Variants in RAF1 observed in about 807,000 individuals in gnomAD.
RAF1 encodes Raf-1 proto-oncogene, serine/threonine kinase, also known as RAF proto-oncogene serine/threonine-protein kinase.
Under a neutral mutation model 81.1 loss-of-function variants are expected in RAF1, and 27 were observed. That is an observed-to-expected ratio of 0.33 (90% CI 0.25 to 0.46). The LOEUF (loss-of-function observed/expected upper bound fraction) is 0.46. RAF1 is among the 20% of genes least tolerant of loss of function. The probability of loss-of-function intolerance (pLI) is 1.00; values close to 1 mark genes in which losing one functional copy is unlikely to be tolerated. For missense variants in RAF1, 598 were observed against 826.0 expected (o/e 0.72, Z 3.38); for synonymous variants, 298 against 294.0 (o/e 1.01, Z -0.14).
At chr3:12,593,308 T>C (rs1018425881) in intron 11 of RAF1, among the ~76,000 whole-genome samples, 6 of 151,964 alleles carry the variant, frequency 3.9e-5, no homozygotes, top group Non-Finnish European at 7.4e-5. Context: ...CTCAAACTCC[T>C]GACCTCAAAT....
intron 1 of RAF1, among the ~76,000 whole-genome samples, chr3:12,645,117 A>T (rs899359689): frequency 1.3e-5 from 2 of 151,684 alleles, no homozygotes; most frequent in Non-Finnish European, 2.9e-5. Context: ...AAAAAAAAAA[A>T]AAAATAAGGT....
rs71063856 is a variant in RAF1, at chr3:12,642,671, TACACACACACACACACAC to T, written c.-27+21124_-27+21141del. ...AGACAACACAGGGAGACACCATCTC[TACACACACACACACACAC>T]ACACACACACACACACACACACACA... On this transcript the variant is annotated intron_variant, in intron 1 of 17. Coordinates refer to ENST00000442415, the MANE Select transcript of RAF1 (RefSeq NM_001354689.3). Among the ~76,000 whole-genome samples the T allele has an allele frequency of 3.3e-4, 39 of 117,060 alleles. 1 individual carries two copies. The highest frequency in any genetic ancestry group is 9.7e-4 in the South Asian group (3 of 3,092). 76.8% of individuals were successfully genotyped at this position (117,060 alleles called of 152,430 possible).
intron 1 of RAF1, 129 bp from the exon 2 acceptor site, chr3:12,618,876 A>G (rs2059459799): frequency 1.4e-6 from 1 of 727,150 alleles, no homozygotes; most frequent in African/African-American, 1.8e-5. Context: ...TTCATCAGCA[A>G]AGAAAAGTTT....
intron 6 of RAF1, among the ~76,000 whole-genome samples, chr3:12,604,853 C>T (rs531215746): frequency 1.4e-5 from 2 of 146,850 alleles, no homozygotes; most frequent in East Asian, 3.9e-4. Context: ...TTCCAGTCAC[C>T]ACCAACCCCC....
intron 3 of RAF1, among the ~76,000 whole-genome samples, chr3:12,611,714 A>C (rs1443976720): frequency 6.6e-6 from 1 of 152,214 alleles, no homozygotes; most frequent in Admixed American, 6.5e-5. Flanking sequence ...AGAAAAAAAA[A>C]TTACAGGTAT....
At chr3:12,611,894 T>C (rs2059221140) in intron 3 of RAF1, 56 bp downstream of exon 3, 1 of 1,224,790 alleles carries the variant, frequency 8.2e-7, no homozygotes, top group South Asian at 1.2e-5. Context: ...CATAGCTATT[T>C]GAAGCTAGAA....
At chr3:12,608,070 C>G (rs2059097366) in intron 5 of RAF1, among the ~76,000 whole-genome samples, 1 of 151,134 alleles carries the variant, frequency 6.6e-6, no homozygotes, top group Admixed American at 6.6e-5. Flanking sequence ...ACCATGAAAG[C>G]AAAAACATTT....
intron 11 of RAF1, among the ~76,000 whole-genome samples, chr3:12,594,782 C>A (rs1185406905): frequency 1.3e-5 from 2 of 152,198 alleles, no homozygotes; most frequent in African/African-American, 4.8e-5. Flanking sequence ...ACATATCACA[C>A]CTCTGATTAA....
intron 1 of RAF1, among the ~76,000 whole-genome samples, chr3:12,649,757 T>C (rs1486916362): frequency 1.3e-5 from 2 of 152,122 alleles, no homozygotes; most frequent in Non-Finnish European, 2.9e-5. Context: ...CTCAACACTT[T>C]GGGAGGCCGA....
chr3:12,643,788 T>C (rs1241551785), intron 1 of RAF1, among the ~76,000 whole-genome samples: 2 of 152,098 alleles, frequency 1.3e-5, no homozygotes, highest in African/African-American at 2.4e-5. Flanking sequence ...TTTACCTCCT[T>C]GTGCAATTCC....
intron 1 of RAF1, among the ~76,000 whole-genome samples, chr3:12,624,352 GACATCT>G (rs1358786778): frequency 9.9e-5 from 15 of 152,108 alleles, no homozygotes; most frequent in African/African-American, 3.6e-4. Context: ...AATCAGGGCA[GACATCT>G]GAAAACAAGG....
At chr3:12,600,863 G>C (rs189566791) in intron 8 of RAF1, among the ~76,000 whole-genome samples, 3 of 152,270 alleles carry the variant, frequency 2.0e-5, no homozygotes, top group Admixed American at 6.5e-5. Context: ...TGCCAAGCCT[G>C]GTATTAGTTT....
intron 1 of RAF1, among the ~76,000 whole-genome samples, 155 bp from the exon 2 acceptor site, chr3:12,618,902 TC>T (rs565313012): frequency 1.0e-3 from 156 of 152,324 alleles, no homozygotes; most frequent in African/African-American, 3.6e-3. Flanking sequence ...ATAGTACACT[TC>T]CATTAAATAT....
intron 1 of RAF1, among the ~76,000 whole-genome samples, chr3:12,661,339 T>C (rs1021160543): frequency 1.3e-5 from 2 of 152,202 alleles, no homozygotes; most frequent in Non-Finnish European, 2.9e-5. Context: ...ATACTCACAT[T>C]CTACACTTTT....
chr3:12,614,286 C>T (rs1486864703), intron 2 of RAF1, among the ~76,000 whole-genome samples: 2 of 152,036 alleles, frequency 1.3e-5, no homozygotes, highest in African/African-American at 4.8e-5. Flanking sequence ...CAAATGATAC[C>T]TGGGATTTGT....
rs745966065 is a variant in RAF1 at position 12,658,536 on chromosome 3, A to G, written c.-27+5277T>C. Reference sequence around the variant, plus strand: ...AGAATCGCTTGAACCCAGGAGGCAGAGGCTGTGGTGAGGAAAGATCATGCC... The same window carrying G: ...AGAATCGCTTGAACCCAGGAGGCAGGGGCTGTGGTGAGGAAAGATCATGCC... On this transcript the variant is annotated intron_variant, in intron 1 of 17. Coordinates refer to ENST00000442415, the MANE Select transcript of RAF1 (RefSeq NM_001354689.3). Among the ~76,000 whole-genome samples the G allele has an allele frequency of 4.3e-4, 66 of 152,192 alleles. 1 individual carries two copies. The highest frequency in any genetic ancestry group is 1.0e-4 in the Non-Finnish European group (7 of 68,038).
intron 1 of RAF1, among the ~76,000 whole-genome samples, chr3:12,635,230 A>C (rs2059980605): frequency 6.7e-6 from 1 of 148,386 alleles, no homozygotes; most frequent in African/African-American, 2.5e-5. Flanking sequence ...GACGCAGGAG[A>C]ATTGCTTGAA....
chr3:12,630,907 G>A (rs950345228), intron 1 of RAF1, among the ~76,000 whole-genome samples: 2 of 152,152 alleles, frequency 1.3e-5, no homozygotes, highest in African/African-American at 4.8e-5. Flanking sequence ...GGGTTCAAGC[G>A]ATTCTCCCAC....
intron 7 of RAF1, chr3:12,603,618 A>G (rs1000031459): frequency 1.6e-6 from 1 of 629,152 alleles, no homozygotes; most frequent in African/African-American, 1.8e-5. Flanking sequence ...TTAAAGATGA[A>G]GCAGAAAGCA....
Sources: allele counts gnomAD v4.1 joint callset (sites outside exome capture counted in the v4.1 genomes callset), GRCh38; gene constraint gnomAD v4.1.1; transcripts MANE v1.5; gene names NCBI Gene and HGNC (gene_info 2026-07-23, HGNC 2026-07-21).